Variants in SRFBP1 observed in about 807,000 individuals in gnomAD.
SRFBP1 encodes serum response factor-binding protein 1.
A neutral mutation model predicts 45.5 loss-of-function variants in SRFBP1; 47 were observed. The observed-to-expected ratio is 1.03, with a 90% confidence interval of 0.82 to 1.32. The LOEUF is 1.32. Among genes scored for constraint, SRFBP1 ranks in the 40% most tolerant of loss-of-function variants. SRFBP1 has a pLI of 0.00. For synonymous variants in SRFBP1, 203 were observed against 166.3 expected, an observed-to-expected ratio of 1.22 and a Z score of -1.70; for missense variants, 621 against 484.6, an observed-to-expected ratio of 1.28 and a Z score of -2.64.
At chr5:122,073,762 G>T (rs1311803047) in intron 2 of SRFBP1, among the ~76,000 whole-genome samples, 1 of 152,116 alleles carries the variant, frequency 6.6e-6, no homozygotes, top group Non-Finnish European at 1.5e-5. Flanking sequence ...GCCATCATTT[G>T]CCTTTTCCCA....
intron 2 of SRFBP1, among the ~76,000 whole-genome samples, chr5:122,042,640 A>G (rs912255254): frequency 3.3e-5 from 5 of 152,094 alleles, no homozygotes; most frequent in African/African-American, 1.2e-4. Flanking sequence ...CTTCTTTTCT[A>G]GATTAGTTAG....
At chr5:122,041,523 C>T (rs182557065) in intron 2 of SRFBP1, among the ~76,000 whole-genome samples, 42 of 151,646 alleles carry the variant, frequency 2.8e-4, no homozygotes, top group African/African-American at 9.9e-4. Flanking sequence ...TTTTCATTTT[C>T]TCATTTGCCT....
chr5:122,016,959 G>A (rs1286304611), intron 4 of SRFBP1, among the ~76,000 whole-genome samples: 2 of 152,250 alleles, frequency 1.3e-5, no homozygotes, highest in African/African-American at 2.4e-5. Context: ...GGCCAGGCGC[G>A]GTGGCTCACA....
intron 4 of SRFBP1, among the ~76,000 whole-genome samples, chr5:122,008,215 T>G (rs541558904): frequency 1.3e-5 from 2 of 151,940 alleles, no homozygotes; most frequent in Non-Finnish European, 2.9e-5. Context: ...CATCCTCAGC[T>G]GAGGGCGGTT....
intron 4 of SRFBP1, among the ~76,000 whole-genome samples, chr5:122,009,579 TAGA>T (rs1220359335): frequency 6.6e-6 from 1 of 152,168 alleles, no homozygotes; most frequent in Non-Finnish European, 1.5e-5. Flanking sequence ...TTCAGATGAG[TAGA>T]AGGATAGATT....
At chr5:122,009,697 C>CT (rs1451959238) in intron 4 of SRFBP1, among the ~76,000 whole-genome samples, 1 of 152,150 alleles carries the variant, frequency 6.6e-6, no homozygotes, top group Non-Finnish European at 1.5e-5. Context: ...GAGCATGGTC[C>CT]TGAAAGGATT....
chr5:122,038,027 A>T (rs551612436), intron 2 of SRFBP1, among the ~76,000 whole-genome samples: 71 of 152,182 alleles, frequency 4.7e-4, no homozygotes, highest in Non-Finnish European at 7.1e-4. Context: ...GTGGCCCATA[A>T]AATCTCATAT....
Position 121,975,416 on chromosome 5 carries a change from G to C in SRFBP1, c.198+29G>C, listed in dbSNP as rs374244589. On this transcript the variant is annotated intron_variant, in intron 3 of 7. Transcript: ENST00000339397. ...AGGACTTGTGTGGGTGTGTATGTGT[G>C]TATGTTTCTGAGTATCCTGTTATCC... 1.4e-5 allele frequency: 22 copies of C among 1,610,902 alleles called. No homozygotes were observed. In the African/African-American group the frequency reaches 2.1e-4, roughly 16 times the overall value.
At chr5:122,061,248 C>T (rs554373620) in intron 2 of SRFBP1, among the ~76,000 whole-genome samples, 8 of 151,788 alleles carry the variant, frequency 5.3e-5, no homozygotes, top group African/African-American at 1.2e-4. Context: ...CAGACTCTAT[C>T]GTTAAATTTG....
At chr5:122,057,336 G>A (rs1257966577) in intron 2 of SRFBP1, among the ~76,000 whole-genome samples, 1 of 152,060 alleles carries the variant, frequency 6.6e-6, no homozygotes, top group Non-Finnish European at 1.5e-5. Context: ...ATTACTATCA[G>A]AAGAAAAGGA....
intron 4 of SRFBP1, among the ~76,000 whole-genome samples, chr5:122,000,138 TTTAA>T (rs1405028842): frequency 1.3e-5 from 2 of 152,102 alleles, no homozygotes; most frequent in African/African-American, 4.8e-5. Context: ...AATATACACC[TTTAA>T]TTAACCAAAA....
chr5:122,003,777 G>C (rs555698460), intron 4 of SRFBP1, among the ~76,000 whole-genome samples: 18 of 152,040 alleles, frequency 1.2e-4, no homozygotes, highest in Non-Finnish European at 2.2e-4. Context: ...GTGATATCTC[G>C]TTACGGTTTT....
intron 7 of SRFBP1, among the ~76,000 whole-genome samples, chr5:122,025,026 A>G (rs989998060): frequency 1.4e-4 from 21 of 152,080 alleles, no homozygotes; most frequent in African/African-American, 4.6e-4. Context: ...TTTGTTACAT[A>G]TGTATACATG....
chr5:122,019,061 A>T (rs1433623779), intron 4 of SRFBP1, among the ~76,000 whole-genome samples, 199 bp from the exon 5 acceptor site: 1 of 152,108 alleles, frequency 6.6e-6, no homozygotes, highest in East Asian at 1.9e-4. Flanking sequence ...TAGTTGTTCA[A>T]AGGCAGTAAT....
chr5:122,005,691 G>A (rs1407740571), intron 4 of SRFBP1, among the ~76,000 whole-genome samples: 1 of 151,958 alleles, frequency 6.6e-6, no homozygotes, highest in East Asian at 1.9e-4. Context: ...CTGCCATTTT[G>A]CTAATTGTTT....
downstream of SRFBP1, among the ~76,000 whole-genome samples, chr5:122,029,740 C>T (rs1753560497): frequency 1.3e-5 from 2 of 152,150 alleles, no homozygotes; most frequent in Admixed American, 1.3e-4. Context: ...TCCTTTGCCA[C>T]CTGTTCTCCA....
downstream of SRFBP1, chr5:122,077,854 C>A: frequency 6.5e-7 from 1 of 1,543,896 alleles, no homozygotes. This position sits in a 1 kb window ranked among gnomAD's most constrained non-coding sequence, Gnocchi z 4.9. Context: ...ATTGGATCTG[C>A]TGGCGCCAGG....
At chr5:122,060,055 C>T (rs1020812070) in intron 2 of SRFBP1, among the ~76,000 whole-genome samples, 1 of 152,044 alleles carries the variant, frequency 6.6e-6, no homozygotes, top group Non-Finnish European at 1.5e-5. Flanking sequence ...GGCTTTCCTC[C>T]TAAAATGCCC....
chr5:122,047,754 A>T (rs936963851), intron 2 of SRFBP1, among the ~76,000 whole-genome samples: 1 of 151,870 alleles, frequency 6.6e-6, no homozygotes, highest in Non-Finnish European at 1.5e-5. Flanking sequence ...CCTTGAAGAG[A>T]TCCTTCACAT....
Sources: allele counts gnomAD v4.1 joint callset (sites outside exome capture counted in the v4.1 genomes callset), GRCh38; gene constraint gnomAD v4.1.1; non-coding constraint Gnocchi (gnomAD v3.1); transcripts MANE v1.5; gene names NCBI Gene and HGNC (gene_info 2026-07-23, HGNC 2026-07-21).